Variants in NEGR1 observed in about 807,000 individuals in gnomAD.
The protein encoded by NEGR1 is neuronal growth regulator 1.
NEGR1 carries 10 observed loss-of-function variants against 40.9 expected under a neutral mutation model. The ratio of observed to expected loss-of-function variants is 0.24; its 90% CI spans 0.15 to 0.42. The LOEUF (loss-of-function observed/expected upper bound fraction) is 0.42. Among genes scored for constraint, NEGR1 ranks in the 10% least tolerant of loss-of-function variants. The probability of loss-of-function intolerance (pLI) is 1.00; values close to 1 mark genes in which losing one functional copy is unlikely to be tolerated. For missense variants in NEGR1, 352 were observed against 438.9 expected, an observed-to-expected ratio of 0.80 and a Z score of 1.77; for synonymous variants, 185 against 166.8, an observed-to-expected ratio of 1.11 and a Z score of -0.84.
chr1:72,024,138 C>T (rs1474568824), intron 1 of NEGR1, among the ~76,000 whole-genome samples: 2 of 152,132 alleles, frequency 1.3e-5, no homozygotes, highest in Non-Finnish European at 2.9e-5. Flanking sequence ...TTGATTTCCA[C>T]AGTGATTTCT....
chr1:71,609,919 G>A (rs1218586867), intron 5 of NEGR1, among the ~76,000 whole-genome samples: 2 of 152,198 alleles, frequency 1.3e-5, no homozygotes, highest in Non-Finnish European at 2.9e-5. Context: ...TCGTGATAGT[G>A]AGTGAGTTCT....
At chr1:71,973,271 G>C (rs1049483105) in intron 1 of NEGR1, among the ~76,000 whole-genome samples, 2 of 150,008 alleles carry the variant, frequency 1.3e-5, no homozygotes, top group East Asian at 2.0e-4. Context: ...AGCCGAGATC[G>C]CGCCACTGCA....
chr1:71,455,596 G>A (rs1439959088), intron 6 of NEGR1, among the ~76,000 whole-genome samples: 2 of 152,108 alleles, frequency 1.3e-5, no homozygotes, highest in African/African-American at 2.4e-5. Flanking sequence ...GTGGTGGCAC[G>A]CACCTTTAGT....
intron 2 of NEGR1, among the ~76,000 whole-genome samples, chr1:71,863,991 A>G (rs1570444161): frequency 6.6e-6 from 1 of 152,184 alleles, no homozygotes; most frequent in Admixed American, 6.6e-5. Context: ...GAAACTCACC[A>G]AAGTAAGCAA....
rs567629891 is a variant in NEGR1 at position 71,580,645 on chromosome 1, G to A, written c.940+12172C>T. ...AAGAAAATTATAGAAATAATGGGGG[G>A]AGGGCACTGAAGTTATATAAGAGGA... On this transcript the variant is annotated intron_variant, in intron 6 of 6. Coordinates refer to ENST00000357731, the MANE Select transcript of NEGR1 (RefSeq NM_173808.3). 2.6e-5 allele frequency among the ~76,000 whole-genome samples: 4 copies of A among 152,000 alleles called. No individual in the cohort carries two copies. In the East Asian group the frequency reaches 5.8e-4, roughly 22 times the overall value.
intron 6 of NEGR1, among the ~76,000 whole-genome samples, chr1:71,439,440 G>C (rs1430702294): frequency 6.6e-6 from 1 of 152,166 alleles, no homozygotes; most frequent in Non-Finnish European, 1.5e-5. Flanking sequence ...TTGGCTCACT[G>C]CAACCTCTGC....
intron 1 of NEGR1, among the ~76,000 whole-genome samples, chr1:71,938,355 G>A (rs1044455130): frequency 1.3e-5 from 2 of 148,648 alleles, no homozygotes; most frequent in Admixed American, 6.7e-5. Context: ...TAGACTATGT[G>A]AATAGGCCAA....
intron 4 of NEGR1, among the ~76,000 whole-genome samples, chr1:71,632,362 T>A (rs1177708807): frequency 6.6e-6 from 1 of 151,298 alleles, no homozygotes; most frequent in Non-Finnish European, 1.5e-5. Flanking sequence ...GATATCATAA[T>A]CTCCAAAATA....
intron 6 of NEGR1, among the ~76,000 whole-genome samples, chr1:71,472,266 T>C (rs1179916737): frequency 2.0e-5 from 3 of 152,164 alleles, no homozygotes; most frequent in Non-Finnish European, 4.4e-5. Flanking sequence ...ATATGTCTAC[T>C]ACAAAATTGT....
intron 1 of NEGR1, among the ~76,000 whole-genome samples, chr1:71,979,562 C>T (rs1041497892): frequency 2.7e-4 from 41 of 152,056 alleles, no homozygotes; most frequent in African/African-American, 9.7e-4. Context: ...TCAATTCATC[C>T]TCCAAGTACA....
intron 1 of NEGR1, among the ~76,000 whole-genome samples, chr1:72,235,400 C>T (rs116703269): frequency 4.0e-5 from 6 of 151,800 alleles, no homozygotes; most frequent in Non-Finnish European, 7.4e-5. Context: ...TGATAGTTTT[C>T]GAATGGGGAA....
At chr1:71,622,117 T>C (rs748123136) in intron 4 of NEGR1, among the ~76,000 whole-genome samples, 3 of 151,918 alleles carry the variant, frequency 2.0e-5, no homozygotes, top group African/African-American at 7.2e-5. Flanking sequence ...CTGTAAAATA[T>C]GTGTGAAATT....
intron 3 of NEGR1, among the ~76,000 whole-genome samples, chr1:71,705,872 G>GAAGGAAGC (rs1252526088): frequency 1.3e-5 from 2 of 151,296 alleles, no homozygotes; most frequent in Admixed American, 6.6e-5. Flanking sequence ...AGGAAGGAAG[G>GAAGGAAGC]AAGGAAGCAA....
intron 6 of NEGR1, among the ~76,000 whole-genome samples, chr1:71,592,463 T>C (rs1006241647): frequency 6.6e-6 from 1 of 152,348 alleles, no homozygotes; most frequent in South Asian, 2.1e-4. Context: ...CATGTTAATC[T>C]ATACTTCAAG....
At chr1:71,454,244 A>T (rs1240024976) in intron 6 of NEGR1, among the ~76,000 whole-genome samples, 1 of 152,072 alleles carries the variant, frequency 6.6e-6, no homozygotes, top group African/African-American at 2.4e-5. Flanking sequence ...GTTTTCAAGA[A>T]ATTTTTACTA....
chr1:72,229,338 TATA>T (rs1570149389), intron 1 of NEGR1, among the ~76,000 whole-genome samples: 1 of 148,680 alleles, frequency 6.7e-6, no homozygotes, highest in Non-Finnish European at 1.5e-5. Flanking sequence ...TATATTAAAA[TATA>T]ATATAATATT....
intron 1 of NEGR1, among the ~76,000 whole-genome samples, chr1:72,184,906 G>C (rs938562275): frequency 4.6e-5 from 7 of 151,990 alleles, no homozygotes; most frequent in Admixed American, 6.6e-5. Flanking sequence ...ACATGAAAAA[G>C]TGTTTTAGCT....
chr1:72,127,390 G>C (rs1002292691), intron 1 of NEGR1, among the ~76,000 whole-genome samples: 1 of 148,682 alleles, frequency 6.7e-6, no homozygotes, highest in Admixed American at 6.7e-5. Flanking sequence ...CGTGAACCCG[G>C]GAGGCGGAGG....
intron 1 of NEGR1, among the ~76,000 whole-genome samples, chr1:72,066,768 G>T (rs532778056): frequency 7.2e-5 from 11 of 152,196 alleles, no homozygotes; most frequent in South Asian, 2.1e-4. Context: ...CCAGAACTAC[G>T]AGAAAATAAA....
Sources: allele counts gnomAD v4.1 joint callset (sites outside exome capture counted in the v4.1 genomes callset), GRCh38; gene constraint gnomAD v4.1.1; transcripts MANE v1.5; gene names NCBI Gene and HGNC (gene_info 2026-07-23, HGNC 2026-07-21).